The following SEMA5A variants were observed in gnomAD, a reference collection of about 807,000 sequenced individuals.
SEMA5A encodes semaphorin 5A.
SEMA5A carries 55 observed loss-of-function variants against 135.5 expected under a neutral mutation model. The observed-to-expected ratio is 0.41, with a 90% confidence interval of 0.33 to 0.51. The LOEUF (loss-of-function observed/expected upper bound fraction) is 0.51, where lower values mean the gene tolerates loss of function less well. Among genes scored for constraint, SEMA5A ranks in the 20% least tolerant of loss-of-function variants. The probability of loss-of-function intolerance (pLI) is 0.37; values close to 1 mark genes in which losing one functional copy is unlikely to be tolerated. For synonymous variants in SEMA5A, 580 were observed against 546.5 expected (o/e 1.06, Z -0.85); for missense variants, 1,290 against 1,419.9 (o/e 0.91, Z 1.47).
At chr5:9,126,009 C>G (rs563664780) in intron 13 of SEMA5A, among the ~76,000 whole-genome samples, 3 of 152,278 alleles carry the variant, frequency 2.0e-5, no homozygotes, top group East Asian at 1.9e-4. Flanking sequence ...GCTGTGCAAA[C>G]CTTGCTAGTA....
chr5:9,245,926 A>G (rs1362214503), intron 5 of SEMA5A, among the ~76,000 whole-genome samples: 1 of 152,196 alleles, frequency 6.6e-6, no homozygotes, highest in Non-Finnish European at 1.5e-5. Context: ...GATGAGTTCC[A>G]ATGACCCTAC....
intron 8 of SEMA5A, among the ~76,000 whole-genome samples, chr5:9,219,576 A>T (rs1746817985): frequency 6.6e-6 from 1 of 152,206 alleles, no homozygotes; most frequent in Admixed American, 6.5e-5. Flanking sequence ...GAAATTAGGC[A>T]ACAGGCATGG....
At position 9,042,776 on chromosome 5, in the gene SEMA5A, GCTTGAAATGCA is replaced by G; in HGVS notation, c.*110_*120del. 4.1e-6 allele frequency: 5 copies of G among 1,230,068 alleles called. No homozygotes were observed. The highest frequency in any genetic ancestry group is 1.5e-5 in the African/African-American group (1 of 65,626). The allele number at this position is 1,230,068 out of a possible 1,614,324, so 76.2% of individuals were successfully genotyped here. ...TTGGCAGCAATGGGACACTCTGGTG[GCTTGAAATGCA>G]CTTGAAATGTATCCAAACTTCGACT... On this transcript the variant is annotated 3_prime_UTR_variant, in exon 23 of 23. Coordinates refer to ENST00000382496, the MANE Select transcript of SEMA5A (RefSeq NM_003966.3).
intron 11 of SEMA5A, among the ~76,000 whole-genome samples, chr5:9,184,667 A>G (rs772213592): frequency 8.6e-5 from 13 of 152,016 alleles, no homozygotes; most frequent in Non-Finnish European, 1.2e-4. Flanking sequence ...CGTCATTTTG[A>G]TCTTCTATTT....
At chr5:9,426,258 T>C (rs917029258) in intron 2 of SEMA5A, among the ~76,000 whole-genome samples, 1 of 151,722 alleles carries the variant, frequency 6.6e-6, no homozygotes, top group Admixed American at 6.6e-5. Flanking sequence ...ACCCCGTCTC[T>C]ACTAAAAATA....
At position 9,219,978 on chromosome 5, in the gene SEMA5A, G is replaced by GA. The variant is rs563626163; in HGVS notation, c.646+4695dup. ...TCAGGGGAGTTAAAATTTTGGAATA[G>GA]AAAAAAAAATGTGATTACATATACA... is the stretch of plus-strand genomic sequence containing the variant. On this transcript the variant is annotated intron_variant, in intron 8 of 22. Coordinates refer to ENST00000382496, the MANE Select transcript of SEMA5A (RefSeq NM_003966.3). Among the ~76,000 whole-genome samples the GA allele has an allele frequency of 5.7e-4, 85 of 150,270 alleles. 1 individual carries two copies. The highest frequency in any genetic ancestry group is 3.4e-3 in the Middle Eastern group (1 of 292).
rs201581372 is a variant in SEMA5A at position 9,050,431 on chromosome 5, C to T, written c.2872G>A (p.Val958Ile). 2.9e-4 allele frequency: 472 copies of T among 1,612,558 alleles called. 1 individual carries two copies. The highest frequency in any genetic ancestry group is 1.3e-3 in the Middle Eastern group (8 of 6,084). ...PEVSVARSSS[V>I]EEKRCGEFNM... Reference sequence around the variant, plus strand: ...GTACCTCCACACCTTTTCTCTTCTACGCTACTGGATCTTGCCACAGATACT... The same window carrying T: ...GTACCTCCACACCTTTTCTCTTCTATGCTACTGGATCTTGCCACAGATACT... Residue 958 changes from valine to isoleucine, a missense_variant, in exon 21 of 23, where the codon GTA becomes ATA. Around this residue, in one of 3 missense-constraint regions of SEMA5A, gnomAD observed 1,029 missense variants for 1,086.6 expected, o/e 0.95. Coordinates refer to ENST00000382496, the MANE Select transcript of SEMA5A (RefSeq NM_003966.3).
At chr5:9,264,758 T>C (rs1749590958) in intron 5 of SEMA5A, among the ~76,000 whole-genome samples, 1 of 152,194 alleles carries the variant, frequency 6.6e-6, no homozygotes. Context: ...ATCTCTGTTT[T>C]ATAATTTTAT....
chr5:9,207,134 A>ATATATATATATATATAG (rs1491507145), intron 8 of SEMA5A, among the ~76,000 whole-genome samples: 1 of 139,704 alleles, frequency 7.2e-6, no homozygotes, highest in Non-Finnish European at 1.6e-5. Flanking sequence ...ATATATATAT[A>ATATATATATATATATAG]AAGCTTAAAG....
chr5:9,113,932 A>G (rs1363957396), intron 15 of SEMA5A, among the ~76,000 whole-genome samples: 1 of 152,204 alleles, frequency 6.6e-6, no homozygotes. Flanking sequence ...CAATGCAGCA[A>G]TTTCACTCCT....
intron 1 of SEMA5A, among the ~76,000 whole-genome samples, chr5:9,482,253 C>T (rs1759905791): frequency 6.6e-6 from 1 of 152,158 alleles, no homozygotes; most frequent in Non-Finnish European, 1.5e-5. Context: ...ACATCTATAG[C>T]ATGTGTCCAA....
At chr5:9,332,953 T>C (rs956805067) in intron 4 of SEMA5A, among the ~76,000 whole-genome samples, 2 of 152,224 alleles carry the variant, frequency 1.3e-5, no homozygotes, top group African/African-American at 4.8e-5. Flanking sequence ...TCACAGGTAT[T>C]TGTTTGAGAG....
chr5:9,199,011 A>G (rs914538413), intron 9 of SEMA5A, among the ~76,000 whole-genome samples: 6 of 152,214 alleles, frequency 3.9e-5, no homozygotes, highest in African/African-American at 1.2e-4. Flanking sequence ...GTAAGAAAAC[A>G]GTAGCACAGA....
intron 1 of SEMA5A, among the ~76,000 whole-genome samples, chr5:9,509,110 G>A (rs945673353): frequency 6.6e-6 from 1 of 150,378 alleles, no homozygotes; most frequent in South Asian, 2.1e-4. Context: ...CTACTCACCA[G>A]GACAGCATCA....
chr5:9,453,426 T>C (rs529732932), intron 1 of SEMA5A, among the ~76,000 whole-genome samples: 1 of 152,278 alleles, frequency 6.6e-6, no homozygotes, highest in African/African-American at 2.4e-5. Flanking sequence ...TTTTTGTTGG[T>C]GATTTGTCTG....
chr5:9,494,597 C>T lies in SEMA5A; in HGVS notation c.-175+50987G>A, dbSNP rs559126622. Among the ~76,000 whole-genome samples the T allele has an allele frequency of 6.2e-4, 86 of 139,124 alleles. 1 individual carries two copies. Among genetic ancestry groups the T allele is most frequent in the African/African-American group, 2.1e-3 (82 of 38,620 alleles). The allele number at this position is 139,124 out of a possible 152,430, so 91.3% of individuals were successfully genotyped here. On this transcript the variant is annotated intron_variant, in intron 1 of 22. Transcript: ENST00000382496. The stretch of plus-strand genomic sequence containing the variant: ...TGGATGAGTCAGCTTCTGCCAAATC[C>T]CCCCCTTCAATGCCCCCCTGAACCA...
At chr5:9,469,298 C>T (rs1759387586) in intron 1 of SEMA5A, among the ~76,000 whole-genome samples, 1 of 152,186 alleles carries the variant, frequency 6.6e-6, no homozygotes, top group African/African-American at 2.4e-5. Context: ...TGAGCCACCA[C>T]ACCCGGCCAG....
At chr5:9,324,164 G>A (rs1224171754) in intron 4 of SEMA5A, among the ~76,000 whole-genome samples, 1 of 151,822 alleles carries the variant, frequency 6.6e-6, no homozygotes, top group African/African-American at 2.4e-5. Context: ...TGCCTCCTGG[G>A]TTCACGCCAT....
At chr5:9,390,638 C>A (rs1053287654) in intron 2 of SEMA5A, among the ~76,000 whole-genome samples, 1 of 151,932 alleles carries the variant, frequency 6.6e-6, no homozygotes, top group Admixed American at 6.6e-5. Flanking sequence ...CATGTCAATG[C>A]CGATACCTTT....
Sources: allele counts gnomAD v4.1 joint callset (sites outside exome capture counted in the v4.1 genomes callset), GRCh38; gene constraint gnomAD v4.1.1; regional missense constraint gnomAD v4.1.1; transcripts MANE v1.5; gene names NCBI Gene and HGNC (gene_info 2026-07-23, HGNC 2026-07-21).